BBC3: variants seen among roughly 807,000 people sequenced by gnomAD.
BBC3 encodes the protein bcl-2-binding component 3.
Under a neutral mutation model 18.2 loss-of-function variants are expected in BBC3, and 5 were observed. The observed-to-expected ratio is 0.27, with a 90% confidence interval of 0.14 to 0.58. The LOEUF is 0.58. Among genes scored for constraint, BBC3 ranks in the 20% least tolerant of loss-of-function variants. The probability of loss-of-function intolerance (pLI) is 0.91; values close to 1 mark genes in which losing one functional copy is unlikely to be tolerated. For synonymous variants in BBC3, 119 were observed against 128.0 expected (o/e 0.93, Z 0.47); for missense variants, 224 against 268.9 (o/e 0.83, Z 1.17).
At position 47,230,529 on chromosome 19, in the gene BBC3, C is replaced by A. The variant is rs2058898774; in HGVS notation, c.-16+400G>T. Among the ~76,000 whole-genome samples, 1 of 151,148 alleles carries A rather than the reference C, an allele frequency of 6.6e-6. No individual in the cohort carries two copies. The highest frequency in any genetic ancestry group is 1.5e-5 in the Non-Finnish European group (1 of 67,732). On this transcript the variant is annotated intron_variant, in intron 1 of 3. Coordinates refer to ENST00000439096, the MANE Select transcript of BBC3 (RefSeq NM_014417.5). This position sits in a 1 kb window ranked among gnomAD's most constrained non-coding sequence, Gnocchi z 6.7. ...ACTCCACGGCCCGCGAGCCGCCCCCCGTCGCCGCCCCCAGCGGGCGCGCGC... is the reference window on the plus strand; with the variant it reads ...ACTCCACGGCCCGCGAGCCGCCCCCAGTCGCCGCCCCCAGCGGGCGCGCGC...
chr19:47,226,436 C>A (rs1308979833), intron 3 of BBC3, 128 bp downstream of exon 3: 8 of 893,788 alleles, frequency 9.0e-6, no homozygotes, highest in Middle Eastern at 3.6e-4. Flanking sequence ...ACTTACCCCC[C>A]ACCTGCCTGT....
chr19:47,224,203 G>C (rs1288837161), intron 3 of BBC3, among the ~76,000 whole-genome samples: 3 of 152,142 alleles, frequency 2.0e-5, no homozygotes, highest in African/African-American at 7.2e-5. Context: ...GCTGAGGCAG[G>C]AGAATCACTT....
In BBC3 at chr19:47,228,166, C is replaced by A; in HGVS notation, c.266G>T (p.Arg89Leu). 1 of 1,202,454 alleles carries A rather than the reference C, an allele frequency of 8.3e-7. No individual in the cohort carries two copies. Among genetic ancestry groups the A allele is most frequent in the Non-Finnish European group, 1.0e-6 (1 of 969,050 alleles). 74.5% of individuals were successfully genotyped at this position (1,202,454 alleles called of 1,614,324 possible). Residue 89 changes from arginine (R) to leucine (L), a missense_variant, in exon 2 of 4, where the codon CGC becomes CTC. Transcript: ENST00000439096. This position sits in a 1 kb window ranked among gnomAD's most constrained non-coding sequence, Gnocchi z 5.5. ...GGPRSRPRGP[R>L]PDGPQPSLSL... ...GCGGGGCGGGCACTCACCGTCCGGG[C>A]GCGGGCCTCGGGGCCGGCTGCGGGG...
At chr19:47,226,876 GTGAGTC>G in intron 2 of BBC3, 122 bp from the exon 3 acceptor site, 1 of 897,396 alleles carries the variant, frequency 1.1e-6, no homozygotes, top group Non-Finnish European at 1.5e-6. Context: ...CCCATCGCTA[GTGAGTC>G]AATTTCTCAG....
upstream of BBC3, chr19:47,232,379 C>CTGAAT: frequency 2.9e-6 from 2 of 679,288 alleles, no homozygotes; most frequent in Non-Finnish European, 4.8e-6. Context: ...AAGAAACTGA[C>CTGAAT]ATTCAGAGAC....
In BBC3 at chr19:47,231,112, G is replaced by A. The variant is rs909019042; in HGVS notation, c.-199C>T. 18 of 977,232 alleles carry A rather than the reference G, an allele frequency of 1.8e-5. No individual in the cohort carries two copies. The highest frequency in any genetic ancestry group is 9.1e-5 in the South Asian group (2 of 21,994). The allele number at this position is 977,232 out of a possible 1,614,324, so 60.5% of individuals were successfully genotyped here. On this transcript the variant is annotated 5_prime_UTR_variant, in exon 1 of 4. Coordinates refer to ENST00000439096, the MANE Select transcript of BBC3 (RefSeq NM_014417.5). The surrounding 1 kb of genome is among the most constrained non-coding windows in gnomAD (Gnocchi z 4.0). The stretch of plus-strand genomic sequence containing the variant: ...TGCTGCTGCTCCCCGGGCCGCAGGC[G>A]CGTCCGCGTCGTGGCCGCTGCTGGG...
rs1287633538 is a variant in BBC3 at position 47,226,624 on chromosome 19, C to A, written c.405G>T (p.Arg135=). The change falls in exon 3 of 4, where the codon CGG becomes CGT. Residue 135 remains arginine, a synonymous_variant. Coordinates refer to ENST00000439096, the MANE Select transcript of BBC3 (RefSeq NM_014417.5). ...TCCGCCGCAGCTGGGCCCCGATCTC[C>A]CGGGCCCACTGTTCCTCCTCCCCGC... is the stretch of plus-strand genomic sequence containing the variant. ...GVRGEEEQWA[R]EIGAQLRRMA... 3.2e-6 allele frequency: 5 copies of A among 1,571,966 alleles called. No homozygotes were observed. Among genetic ancestry groups the A allele is most frequent in the Non-Finnish European group, 3.4e-6 (4 of 1,161,594 alleles).
At chr19:47,232,013 C>A (rs923301961), upstream of BBC3, among the ~76,000 whole-genome samples, 6 of 152,196 alleles carry the variant, frequency 3.9e-5, no homozygotes, top group African/African-American at 1.4e-4. Context: ...GGGACATACA[C>A]AAATGCACTC....
At chr19:47,226,529 T>C in intron 3 of BBC3, 35 bp downstream of exon 3, 1 of 1,471,770 alleles carries the variant, frequency 6.8e-7, no homozygotes, top group Non-Finnish European at 9.0e-7. Context: ...CCGGCGGAAG[T>C]CCCACCTGCC....
upstream of BBC3, among the ~76,000 whole-genome samples, chr19:47,232,271 A>T (rs1485327576): frequency 6.6e-6 from 1 of 152,186 alleles, no homozygotes; most frequent in African/African-American, 2.4e-5. Flanking sequence ...GAACTGCTTG[A>T]ACCCGGGAGG....
At chr19:47,231,233 G>GCCGCCCCGCC (rs943175432), upstream of BBC3, 71 of 976,280 alleles carry the variant, frequency 7.3e-5, no homozygotes, top group Admixed American at 3.8e-4. The surrounding 1 kb of genome is among the most constrained non-coding windows in gnomAD (Gnocchi z 4.0). Flanking sequence ...CCGCTCCAAA[G>GCCGCCCCGCC]CCGCCCCGCC....
chr19:47,232,400 T>C, upstream of BBC3: 1 of 818,862 alleles, frequency 1.2e-6, no homozygotes, highest in Non-Finnish European at 1.9e-6. Flanking sequence ...ACAAACCAAA[T>C]CAGACATAGA....
At chr19:47,226,778 T>C in intron 2 of BBC3, 24 bp from the exon 3 acceptor site, 1 of 1,378,306 alleles carries the variant, frequency 7.3e-7, no homozygotes, top group Non-Finnish European at 9.3e-7. Context: ...AGGGGCGCGG[T>C]CAGCACCCAC....
Position 47,221,034 on chromosome 19 carries a change from G to C in BBC3, c.*768C>G, listed in dbSNP as rs1407109313. The C allele has an allele frequency of 6.7e-6, 1 of 149,342 alleles. No individual in the cohort carries two copies. The highest frequency in any genetic ancestry group is 2.5e-5 in the African/African-American group (1 of 40,346). The allele number at this position is 149,342 out of a possible 1,614,324, so 9.3% of individuals were successfully genotyped here. A position where few individuals can be genotyped will look rare whatever the true frequency, so the allele number is the denominator to read the frequency against. On this transcript the variant is annotated 3_prime_UTR_variant, in exon 4 of 4. Coordinates refer to ENST00000439096, the MANE Select transcript of BBC3 (RefSeq NM_014417.5). ...ACTCCCCGTCTTCCCCCCAGCGCTT[G>C]GCCCTGGGGACTAAGGCTGGGGCGG...
intron 3 of BBC3, among the ~76,000 whole-genome samples, chr19:47,224,016 C>A (rs1332102203): frequency 2.6e-5 from 4 of 152,022 alleles, no homozygotes; most frequent in Non-Finnish European, 4.4e-5. Flanking sequence ...AAATAATGGC[C>A]GGGCGCAGTG....
chr19:47,230,375 C>T lies in BBC3; in HGVS notation c.-16+554G>A, dbSNP rs1045127908. 3.3e-5 allele frequency among the ~76,000 whole-genome samples: 5 copies of T among 151,756 alleles called. No homozygotes were observed. Among genetic ancestry groups the T allele is most frequent in the African/African-American group, 1.2e-4 (5 of 41,406 alleles). ...GCACACGCGCGCTCCCACGGCGGTCCCAGACACCCCCCTCCGCTGTCACAG... is the reference window on the plus strand; with the variant it reads ...GCACACGCGCGCTCCCACGGCGGTCTCAGACACCCCCCTCCGCTGTCACAG... On this transcript the variant is annotated intron_variant, in intron 1 of 3. Coordinates refer to ENST00000439096, the MANE Select transcript of BBC3 (RefSeq NM_014417.5). This position sits in a 1 kb window ranked among gnomAD's most constrained non-coding sequence, Gnocchi z 6.7.
At chr19:47,231,850 C>T (rs1001190751), upstream of BBC3, among the ~76,000 whole-genome samples, 5 of 152,162 alleles carry the variant, frequency 3.3e-5, no homozygotes, top group African/African-American at 9.7e-5. This position sits in a 1 kb window ranked among gnomAD's most constrained non-coding sequence, Gnocchi z 4.0. Flanking sequence ...GGCACCCACA[C>T]CACACACACG....
intron 1 of BBC3, among the ~76,000 whole-genome samples, chr19:47,229,467 C>G (rs968304652): frequency 6.6e-6 from 1 of 151,518 alleles, no homozygotes; most frequent in Non-Finnish European, 1.5e-5. Flanking sequence ...CACCAACTGT[C>G]AGCAACACAC....
chr19:47,232,815 G>A (rs758531121), upstream of BBC3: 2 of 424,554 alleles, frequency 4.7e-6, no homozygotes, highest in Non-Finnish European at 4.3e-6. Context: ...GGCTGAGTAA[G>A]GATGTCAGAC....
Sources: allele counts gnomAD v4.1 joint callset (sites outside exome capture counted in the v4.1 genomes callset), GRCh38; gene constraint gnomAD v4.1.1; non-coding constraint Gnocchi (gnomAD v3.1); transcripts MANE v1.5; gene names NCBI Gene and HGNC (gene_info 2026-07-23, HGNC 2026-07-21).